The following CSMD2 variants were observed in gnomAD, a reference collection of about 807,000 sequenced individuals.
CSMD2 encodes CUB and sushi domain-containing protein 2.
A neutral mutation model predicts 398.5 loss-of-function variants in CSMD2; 130 were observed. The observed-to-expected ratio is 0.33, with a 90% CI of 0.28 to 0.38. The LOEUF (loss-of-function observed/expected upper bound fraction) is 0.38. Ranked by LOEUF, CSMD2 falls within the 10% of genes least tolerant of loss-of-function variation. The pLI, the probability that CSMD2 is intolerant of heterozygous loss-of-function variation, is 1.00. For synonymous variants in CSMD2, 1,828 were observed against 1,908.5 expected (o/e 0.96, Z 1.10); for missense variants, 3,829 against 4,764.9 (o/e 0.80, Z 5.78).
chr1:33,595,656 T>G (rs1639789505), intron 44 of CSMD2, among the ~76,000 whole-genome samples: 1 of 152,226 alleles, frequency 6.6e-6, no homozygotes, highest in Admixed American at 6.5e-5. Context: ...ATATGGTCAA[T>G]GAGAACCCCT....
Position 34,164,790 on chromosome 1 carries a change from T to C in CSMD2, c.187+121A>G. On this transcript the variant is annotated intron_variant, in intron 1 of 70. Transcript: ENST00000373381. The surrounding 1 kb of genome is among the most constrained non-coding windows in gnomAD (Gnocchi z 6.2). ...GAATGAGAGTAGGCAACTGGGAGGG[T>C]GGGAGATTCAGGCAGGGATAGAGGC... The C allele has an allele frequency of 1.3e-6, 1 of 770,032 alleles. No homozygotes were observed. Among genetic ancestry groups the C allele is most frequent in the African/African-American group, 3.4e-5 (1 of 29,278 alleles). The allele number at this position is 770,032 out of a possible 1,614,324, so 47.7% of individuals were successfully genotyped here.
At chr1:33,858,732 C>T (rs1450412577) in intron 5 of CSMD2, among the ~76,000 whole-genome samples, 2 of 152,194 alleles carry the variant, frequency 1.3e-5, no homozygotes, top group Non-Finnish European at 2.9e-5. Context: ...CCCTGGACTA[C>T]CACCCTCCTT....
At chr1:34,048,709 A>G (rs1652829866) in intron 2 of CSMD2, among the ~76,000 whole-genome samples, 1 of 152,158 alleles carries the variant, frequency 6.6e-6, no homozygotes, top group Non-Finnish European at 1.5e-5. Context: ...ACCTGGTTTG[A>G]AAGATTAGGT....
At chr1:33,587,447 G>A (rs1007721674) in intron 44 of CSMD2, among the ~76,000 whole-genome samples, 2 of 152,172 alleles carry the variant, frequency 1.3e-5, no homozygotes, top group African/African-American at 4.8e-5. Flanking sequence ...TGAGTGCCTC[G>A]TGGATATTAG....
At chr1:34,134,283 A>T (rs964942251) in intron 1 of CSMD2, among the ~76,000 whole-genome samples, 1 of 152,084 alleles carries the variant, frequency 6.6e-6, no homozygotes, top group African/African-American at 2.4e-5. Context: ...TAGTCTGGAG[A>T]GGGGAAAGCC....
rs1307684005 is a variant in CSMD2, at chr1:33,557,753, A to G, written c.8724T>C (p.Arg2908=). 2.6e-6 allele frequency: 4 copies of G among 1,535,770 alleles called. No individual in the cohort carries two copies. In the East Asian group the frequency reaches 9.8e-5, roughly 38 times the overall value. ...ACTTACAGAGACACTGGGGGCGGGGACGGTCCCATGTGCCATCTCCCTGGC... is the reference window on the plus strand; with the variant it reads ...ACTTACAGAGACACTGGGGGCGGGGGCGGTCCCATGTGCCATCTCCCTGGC... The part of the protein sequence containing the change: ...LSCQGDGTWD[R]PRPQCLLVSC... The change falls in exon 55 of 71, where the codon CGT becomes CGC. Residue 2908 remains arginine, a synonymous_variant. Coordinates refer to ENST00000373381, the MANE Select transcript of CSMD2 (RefSeq NM_001281956.2).
At chr1:33,569,583 C>T (rs1236082346) in intron 51 of CSMD2, 36 bp from the exon 52 acceptor site, 5 of 1,600,488 alleles carry the variant, frequency 3.1e-6, no homozygotes, top group Middle Eastern at 1.7e-4. Flanking sequence ...AAGCCAGCCC[C>T]AAGAGGAGGG....
chr1:33,883,306 T>G (rs1054375049), intron 5 of CSMD2, among the ~76,000 whole-genome samples: 1 of 152,126 alleles, frequency 6.6e-6, no homozygotes, highest in African/African-American at 2.4e-5. Context: ...CAACCAGCTG[T>G]GTGTAGTTGG....
chr1:33,824,394 G>A (rs920907390), intron 7 of CSMD2, among the ~76,000 whole-genome samples: 1 of 152,152 alleles, frequency 6.6e-6, no homozygotes. Flanking sequence ...CTGCCATCCA[G>A]TCCCTGAGGG....
In CSMD2 at chr1:33,739,824, G is replaced by A. The variant is rs551761848; in HGVS notation, c.2174-490C>T. Among the ~76,000 whole-genome samples the A allele has an allele frequency of 2.0e-5, 3 of 152,236 alleles. No individual in the cohort carries two copies. In the South Asian group the frequency reaches 6.2e-4, roughly 32 times the overall value. On this transcript the variant is annotated intron_variant, in intron 14 of 70. Transcript: ENST00000373381. ...CTAATAGACTCTAAGCATCATAAAGGAGGTGCCCTAGAATTAACCCTGTCT... is the reference window on the plus strand; with the variant it reads ...CTAATAGACTCTAAGCATCATAAAGAAGGTGCCCTAGAATTAACCCTGTCT...
At chr1:33,791,963 A>G (rs1017291839) in intron 11 of CSMD2, among the ~76,000 whole-genome samples, 4 of 152,170 alleles carry the variant, frequency 2.6e-5, no homozygotes, top group Admixed American at 6.5e-5. Context: ...CACTATGTCT[A>G]TATGGTCCTG....
At chr1:33,981,801 G>A (rs886838627) in intron 3 of CSMD2, among the ~76,000 whole-genome samples, 2 of 152,190 alleles carry the variant, frequency 1.3e-5, no homozygotes, top group African/African-American at 4.8e-5. Context: ...CAATGAGTCT[G>A]GAGCTGAGAG....
intron 3 of CSMD2, among the ~76,000 whole-genome samples, chr1:33,949,502 G>A (rs1294162610): frequency 6.6e-6 from 1 of 152,200 alleles, no homozygotes; most frequent in Non-Finnish European, 1.5e-5. Flanking sequence ...AATCATTCGT[G>A]AATAGTCCTA....
chr1:33,760,874 G>T (rs1557853720), intron 13 of CSMD2, among the ~76,000 whole-genome samples: 1 of 151,998 alleles, frequency 6.6e-6, no homozygotes, highest in Non-Finnish European at 1.5e-5. Context: ...AGCAAAAGTG[G>T]TGTCTCCCCA....
chr1:34,081,741 A>C (rs1657166261), intron 2 of CSMD2, among the ~76,000 whole-genome samples: 2 of 152,102 alleles, frequency 1.3e-5, no homozygotes, highest in African/African-American at 4.8e-5. Flanking sequence ...GCCTGATCTC[A>C]GCTCGCTACA....
intron 15 of CSMD2, among the ~76,000 whole-genome samples, chr1:33,736,437 C>T (rs1344801625): frequency 2.0e-5 from 3 of 151,212 alleles, no homozygotes; most frequent in East Asian, 3.9e-4. Flanking sequence ...GCCAAGATCA[C>T]GCCACTGCAC....
chr1:33,675,716 A>C (rs1644685872), intron 25 of CSMD2, among the ~76,000 whole-genome samples: 1 of 152,244 alleles, frequency 6.6e-6, no homozygotes, highest in African/African-American at 2.4e-5. Flanking sequence ...ACAATAAAAT[A>C]CTGGCAAACC....
At chr1:33,707,687 GCGCGCGCGCACACACACA>G (rs1488429488) in intron 22 of CSMD2, among the ~76,000 whole-genome samples, 1 of 42,542 alleles carries the variant, frequency 2.4e-5, no homozygotes, top group Non-Finnish European at 4.3e-5. Context: ...GTGCACACGC[GCGCGCGCGCACACACACA>G]CACACACACA....
intron 10 of CSMD2, chr1:33,804,596 C>T (rs1161822509): frequency 4.5e-6 from 3 of 666,956 alleles, no homozygotes; most frequent in Non-Finnish European, 8.3e-6. Flanking sequence ...TACGTGCACA[C>T]TCCTCAAGGG....
Sources: allele counts gnomAD v4.1 joint callset (sites outside exome capture counted in the v4.1 genomes callset), GRCh38; gene constraint gnomAD v4.1.1; non-coding constraint Gnocchi (gnomAD v3.1); transcripts MANE v1.5; gene names NCBI Gene and HGNC (gene_info 2026-07-23, HGNC 2026-07-21).